The following RNLS variants were observed in gnomAD, a reference collection of about 807,000 sequenced individuals.
RNLS encodes renalase, FAD dependent amine oxidase.
In RNLS, 39 loss-of-function variants were observed where a neutral mutation model predicts 39.8. The observed-to-expected ratio is 0.98, with a 90% CI of 0.76 to 1.28. RNLS has a LOEUF of 1.28. Among genes scored for constraint, RNLS ranks in the 50% most tolerant of loss-of-function variants. RNLS has a pLI of 0.00. For synonymous variants in RNLS, 147 were observed against 150.7 expected (o/e 0.98, Z 0.18); for missense variants, 410 against 413.3 (o/e 0.99, Z 0.07).
downstream of RNLS, among the ~76,000 whole-genome samples, chr10:88,273,542 C>CAG (rs1842708569): frequency 6.6e-6 from 1 of 152,022 alleles, no homozygotes; most frequent in Non-Finnish European, 1.5e-5. Context: ...CATTAAATTC[C>CAG]ACTGTTTTGA....
chr10:88,576,562 G>C (rs1028396356), intron 3 of RNLS, among the ~76,000 whole-genome samples: 7 of 152,128 alleles, frequency 4.6e-5, no homozygotes. Flanking sequence ...TACACAGCTT[G>C]AAGTAAATAG....
At chr10:88,251,081 A>G in the RNLS span, among the ~76,000 whole-genome samples, 1 of 152,242 alleles carries the variant, frequency 6.6e-6, no homozygotes, top group African/African-American at 2.4e-5. Flanking sequence ...AAATGCTTGC[A>G]TATTCAGAGG....
chr10:88,418,081 CTTTT>C (rs35536346), intron 4 of RNLS, among the ~76,000 whole-genome samples: 1 of 143,910 alleles, frequency 6.9e-6, no homozygotes. Context: ...GAGCTTTTGT[CTTTT>C]TTTTTTTTTT....
rs577745149 is a variant in RNLS, at chr10:88,381,203, G to GACTT, written c.527-18482_527-18479dup. 2.2e-4 allele frequency among the ~76,000 whole-genome samples: 34 copies of GACTT among 152,182 alleles called. No individual in the cohort carries two copies. The East Asian group carries it at 4.8e-3, about 22-fold the overall frequency. On this transcript the variant is annotated intron_variant, in intron 4 of 6. Transcript: ENST00000331772. ...GGCACTTAAGTCACAGCCTTGCTTT[G>GACTT]ACTTAATAAATTAATGTGTAGCAAA... is the stretch of plus-strand genomic sequence containing the variant.
chr10:88,560,402 T>C (rs922207277), intron 4 of RNLS, among the ~76,000 whole-genome samples: 1 of 151,842 alleles, frequency 6.6e-6, no homozygotes, highest in African/African-American at 2.4e-5. Context: ...TCAAAAGATC[T>C]GGGAAACGAT....
chr10:88,209,847 C>A, the RNLS span, among the ~76,000 whole-genome samples: 1 of 152,166 alleles, frequency 6.6e-6, no homozygotes, highest in Non-Finnish European at 1.5e-5. Flanking sequence ...CTCATTGATC[C>A]TCAAAAAGCT....
At chr10:88,208,132 C>T in the RNLS span, among the ~76,000 whole-genome samples, 3 of 152,116 alleles carry the variant, frequency 2.0e-5, no homozygotes, top group African/African-American at 7.2e-5. Flanking sequence ...ACCACCCTTC[C>T]TCATGGCACC....
Position 88,368,102 on chromosome 10 carries a change from GT to G in RNLS, c.527-5378del, listed in dbSNP as rs201858540. On this transcript the variant is annotated intron_variant, in intron 4 of 6. Coordinates refer to ENST00000331772, the MANE Select transcript of RNLS (RefSeq NM_001031709.3). ...AAGATCATAAAGATATTTTCTTATG[GT>G]TTTTTTTTTCCTGAAAACTTTATTA... Among the ~76,000 whole-genome samples, 1,258 of 147,334 alleles carry G rather than the reference GT, an allele frequency of 8.5e-3. 19 individuals are homozygous for G. The highest frequency in any genetic ancestry group is 0.03 in the South Asian group (141 of 4,642).
chr10:88,574,270 A>T (rs1850025502), intron 3 of RNLS, among the ~76,000 whole-genome samples: 3 of 152,212 alleles, frequency 2.0e-5, no homozygotes, highest in Non-Finnish European at 4.4e-5. Flanking sequence ...AGCTTTGTGT[A>T]TAGAAAAAGA....
At chr10:88,237,095 C>T in the RNLS span, among the ~76,000 whole-genome samples, 4 of 151,930 alleles carry the variant, frequency 2.6e-5, no homozygotes, top group East Asian at 3.9e-4. Context: ...ATGAAGGAAA[C>T]GTCTTCAAAT....
chr10:88,259,916 A>G, the RNLS span, among the ~76,000 whole-genome samples: 2 of 152,018 alleles, frequency 1.3e-5, no homozygotes, highest in African/African-American at 4.8e-5. Context: ...TAATTTTTGC[A>G]GTTTTAGTAG....
At chr10:88,367,362 TTA>T (rs1409304685) in intron 4 of RNLS, among the ~76,000 whole-genome samples, 2 of 152,176 alleles carry the variant, frequency 1.3e-5, no homozygotes, top group Non-Finnish European at 2.9e-5. Flanking sequence ...TCACTCAATA[TTA>T]TGTTTGTTAT....
intron 4 of RNLS, among the ~76,000 whole-genome samples, chr10:88,417,627 C>G (rs536263891): frequency 6.6e-6 from 1 of 152,314 alleles, no homozygotes; most frequent in South Asian, 2.1e-4. Context: ...TGAGGCCACT[C>G]AAAGGCCAGC....
chr10:88,543,235 G>A lies in RNLS; in HGVS notation c.526+29668C>T, dbSNP rs190111097. On this transcript the variant is annotated intron_variant, in intron 4 of 6. Transcript: ENST00000331772. ...TTGCTGCCAGCCTCTTTCCTCTGCCGCACTATGACTCCATCCTCTCCCCAG... is the reference window on the plus strand; with the variant it reads ...TTGCTGCCAGCCTCTTTCCTCTGCCACACTATGACTCCATCCTCTCCCCAG... Among the ~76,000 whole-genome samples the A allele has an allele frequency of 4.7e-3, 717 of 151,936 alleles. 4 individuals are homozygous for A. Among genetic ancestry groups the A allele is most frequent in the African/African-American group, 0.016 (675 of 41,438 alleles).
chr10:88,220,955 G>A, the RNLS span, among the ~76,000 whole-genome samples: 48 of 152,294 alleles, frequency 3.2e-4, no homozygotes, highest in African/African-American at 9.6e-4. Flanking sequence ...GACAGAGTTC[G>A]GATTGAGTTT....
At chr10:88,205,665 T>G in the RNLS span, among the ~76,000 whole-genome samples, 1 of 152,112 alleles carries the variant, frequency 6.6e-6, no homozygotes, top group East Asian at 1.9e-4. Flanking sequence ...GCACTCAAGT[T>G]TTAACTGTTG....
intron 4 of RNLS, among the ~76,000 whole-genome samples, chr10:88,408,568 G>T (rs970770444): frequency 6.6e-6 from 1 of 151,942 alleles, no homozygotes; most frequent in African/African-American, 2.4e-5. Context: ...CACTGCACCC[G>T]GCCAATAAAT....
chr10:88,380,605 C>T (rs998956691), intron 4 of RNLS, among the ~76,000 whole-genome samples: 3 of 151,328 alleles, frequency 2.0e-5, no homozygotes, highest in South Asian at 2.1e-4. Context: ...AGGATGGTCT[C>T]GATCTCCTGA....
chr10:88,399,407 G>A (rs544486215), intron 4 of RNLS, among the ~76,000 whole-genome samples: 1 of 152,054 alleles, frequency 6.6e-6, no homozygotes, highest in East Asian at 1.9e-4. Context: ...ATTGATGAAT[G>A]GATAAACAAT....
Sources: allele counts gnomAD v4.1 joint callset (sites outside exome capture counted in the v4.1 genomes callset), GRCh38; gene constraint gnomAD v4.1.1; transcripts MANE v1.5; gene names NCBI Gene and HGNC (gene_info 2026-07-23, HGNC 2026-07-21).